Variants in ATAD5 observed in about 807,000 individuals in gnomAD.
The protein encoded by ATAD5 is ATPase family AAA domain containing 5.
Under a neutral mutation model 176.9 loss-of-function variants are expected in ATAD5, and 58 were observed. The observed-to-expected ratio is 0.33, with a 90% confidence interval of 0.27 to 0.41. The LOEUF is 0.41. Ranked by LOEUF, ATAD5 falls within the 10% of genes least tolerant of loss-of-function variation. ATAD5 has a pLI of 1.00. For missense variants in ATAD5, 1,789 were observed against 2,094.1 expected, an observed-to-expected ratio of 0.85 and a Z score of 2.84; for synonymous variants, 640 against 712.6, an observed-to-expected ratio of 0.90 and a Z score of 1.62.
chr17:30,868,473 T>A, intron 12 of ATAD5, 61 bp downstream of exon 12: 1 of 1,088,484 alleles, frequency 9.2e-7, no homozygotes, highest in Non-Finnish European at 1.2e-6. Flanking sequence ...AGAGTTACAT[T>A]AACTAAAACT....
At chr17:30,875,674 G>C (rs541545241) in intron 14 of ATAD5, among the ~76,000 whole-genome samples, 1 of 151,928 alleles carries the variant, frequency 6.6e-6, no homozygotes, top group East Asian at 1.9e-4. Context: ...GTGTGCTCCT[G>C]TAGTCCCAGC....
At position 30,855,336 on chromosome 17, in the gene ATAD5, G is replaced by T. The variant is rs757203499; in HGVS notation, c.2635+9G>T. The T allele has an allele frequency of 5.7e-6, 9 of 1,569,660 alleles. No individual in the cohort carries two copies. Among genetic ancestry groups the T allele is most frequent in the Middle Eastern group, 1.7e-4 (1 of 5,850 alleles). ...GCAACAAAAGGATGATGGTAAGTTT[G>T]TTTTTTATTATTGAATATTTACTCT... is the stretch of plus-strand genomic sequence containing the variant. On this transcript the variant is annotated intron_variant, in intron 7 of 22. Transcript: ENST00000321990.
At chr17:30,876,603 A>T in intron 15 of ATAD5, 53 bp downstream of exon 15, 1 of 1,169,882 alleles carries the variant, frequency 8.5e-7, no homozygotes, top group South Asian at 1.8e-5. Context: ...TGACCCTTAT[A>T]CCTAAAAATG....
At chr17:30,853,249 A>G (rs1907075326) in intron 6 of ATAD5, among the ~76,000 whole-genome samples, 1 of 152,044 alleles carries the variant, frequency 6.6e-6, no homozygotes, top group Non-Finnish European at 1.5e-5. Context: ...CTATATATGT[A>G]TGTATATGTG....
intron 8 of ATAD5, among the ~76,000 whole-genome samples, chr17:30,857,401 A>G (rs1024496884): frequency 1.3e-5 from 2 of 151,894 alleles, no homozygotes; most frequent in African/African-American, 4.8e-5. Context: ...TTTTTAGTAG[A>G]GACGGAATTT....
At chr17:30,883,277 A>G (rs1191057132) in intron 18 of ATAD5, among the ~76,000 whole-genome samples, 6 of 151,994 alleles carry the variant, frequency 3.9e-5, no homozygotes, top group African/African-American at 1.4e-4. Context: ...GGCATGTGCC[A>G]CCACGCCCAG....
At chr17:30,882,879 G>A (rs1339984153) in intron 18 of ATAD5, among the ~76,000 whole-genome samples, 1 of 152,290 alleles carries the variant, frequency 6.6e-6, no homozygotes, top group South Asian at 2.1e-4. Flanking sequence ...AGAGGAGCTA[G>A]GTAGAAATAG....
chr17:30,846,463 C>T (rs1442489165), intron 6 of ATAD5, among the ~76,000 whole-genome samples: 6 of 145,182 alleles, frequency 4.1e-5, no homozygotes, highest in Non-Finnish European at 7.5e-5. Context: ...AGTGCAGTGG[C>T]GTGATCTCGG....
intron 15 of ATAD5, 79 bp downstream of exon 15, chr17:30,876,629 A>T (rs1188168732): frequency 1.4e-6 from 1 of 735,006 alleles, no homozygotes; most frequent in African/African-American, 1.9e-5. Flanking sequence ...ACATTTTACG[A>T]GTTCCTGTTG....
At chr17:30,866,651 C>A (rs1032630552) in intron 11 of ATAD5, among the ~76,000 whole-genome samples, 1 of 151,934 alleles carries the variant, frequency 6.6e-6, no homozygotes, top group East Asian at 1.9e-4. Context: ...CCCATCTCTA[C>A]TAAAAATACA....
intron 9 of ATAD5, among the ~76,000 whole-genome samples, chr17:30,859,788 A>G (rs1907506469): frequency 6.9e-6 from 1 of 144,748 alleles, no homozygotes; most frequent in Admixed American, 7.1e-5. Context: ...CAGTGGTGTG[A>G]TCTCGGCTCA....
intron 18 of ATAD5, among the ~76,000 whole-genome samples, chr17:30,881,916 C>A (rs959547796): frequency 6.6e-6 from 1 of 150,616 alleles, no homozygotes; most frequent in Admixed American, 6.6e-5. Flanking sequence ...CTGTCCCCCC[C>A]CCAAAAAAAT....
At chr17:30,836,432 C>A (rs1428665171) in intron 2 of ATAD5, among the ~76,000 whole-genome samples, 1 of 152,106 alleles carries the variant, frequency 6.6e-6, no homozygotes, top group African/African-American at 2.4e-5. Flanking sequence ...ACCCACCCGG[C>A]CTCCCAAAGT....
chr17:30,847,813 G>A (rs572683171), intron 6 of ATAD5, among the ~76,000 whole-genome samples: 37 of 146,012 alleles, frequency 2.5e-4, no homozygotes, highest in African/African-American at 8.9e-4. Flanking sequence ...TCCGCCCCCC[G>A]GGTTTATGCC....
intron 14 of ATAD5, among the ~76,000 whole-genome samples, chr17:30,870,188 C>T (rs1203875204): frequency 1.3e-5 from 2 of 152,178 alleles, no homozygotes; most frequent in Non-Finnish European, 2.9e-5. Flanking sequence ...TCTGTTGTTT[C>T]AAATGATTTG....
At chr17:30,860,869 G>A (rs539845499) in intron 10 of ATAD5, among the ~76,000 whole-genome samples, 59 of 151,748 alleles carry the variant, frequency 3.9e-4, no homozygotes, top group Admixed American at 1.2e-3. Flanking sequence ...TCAGCCTCCC[G>A]GGTAGCTGGG....
chr17:30,865,654 ATGTT>A (rs2142387769), intron 10 of ATAD5, 46 bp from the exon 11 acceptor site: 1 of 1,112,896 alleles, frequency 9.0e-7, no homozygotes, highest in East Asian at 2.7e-5. Flanking sequence ...TAATTCATAT[ATGTT>A]TATGTCAAGG....
At chr17:30,877,921 TAACA>T in intron 16 of ATAD5, 78 bp from the exon 17 acceptor site, 1 of 1,008,098 alleles carries the variant, frequency 9.9e-7, no homozygotes. Context: ...ATTTTGTCTC[TAACA>T]GACATAGAAT....
rs1161765839 is a variant in ATAD5 at position 30,881,419 on chromosome 17, C to A, written c.4077+1932C>A. Among the ~76,000 whole-genome samples, 5 of 152,154 alleles carry A rather than the reference C, an allele frequency of 3.3e-5. No individual in the cohort carries two copies. In the East Asian group the frequency reaches 9.6e-4, roughly 29 times the overall value. On this transcript the variant is annotated intron_variant, in intron 18 of 22. Transcript: ENST00000321990. Reference sequence around the variant, plus strand: ...GGTTCAAGCAATTCTCCCACCTCAGCCTCCCTAGTAATTGGGATTGGAGAC... The same window carrying A: ...GGTTCAAGCAATTCTCCCACCTCAGACTCCCTAGTAATTGGGATTGGAGAC...
Sources: gnomAD v4.1 joint callset for allele counts (sites outside exome capture counted in the v4.1 genomes callset) on GRCh38, gnomAD v4.1.1 for gene constraint, MANE v1.5 for transcripts, NCBI Gene and HGNC (gene_info 2026-07-23, HGNC 2026-07-21) for gene names.